Variants in MYO1D observed in about 807,000 individuals in gnomAD.
The protein encoded by MYO1D is myosin ID.
In MYO1D, 83 loss-of-function variants were observed where a neutral mutation model predicts 122.0. The observed-to-expected ratio is 0.68, with a 90% CI of 0.57 to 0.82. MYO1D has a LOEUF of 0.82. Among genes scored for constraint, MYO1D ranks in the 40% least tolerant of loss-of-function variants. The pLI is 0.00. For missense variants in MYO1D, 1,157 were observed against 1,269.5 expected, an observed-to-expected ratio of 0.91 and a Z score of 1.35; for synonymous variants, 464 against 446.9, an observed-to-expected ratio of 1.04 and a Z score of -0.48.
intron 20 of MYO1D, among the ~76,000 whole-genome samples, chr17:32,622,570 C>A (rs547600770): frequency 2.2e-4 from 33 of 152,180 alleles, no homozygotes; most frequent in Non-Finnish European, 3.7e-4. Flanking sequence ...TCTGAACAAG[C>A]CTTTTAAAGT....
At chr17:32,872,821 C>G (rs899697562) in intron 1 of MYO1D, among the ~76,000 whole-genome samples, 6 of 151,748 alleles carry the variant, frequency 4.0e-5, no homozygotes, top group South Asian at 4.2e-4. Flanking sequence ...CTCAGCCTCC[C>G]GAGTAGCTGG....
chr17:32,870,571 T>C (rs1417878995), intron 1 of MYO1D, among the ~76,000 whole-genome samples: 2 of 143,122 alleles, frequency 1.4e-5, no homozygotes, highest in Admixed American at 7.3e-5. Context: ...TCTATTAAAG[T>C]ACAGTATTTT....
intron 1 of MYO1D, among the ~76,000 whole-genome samples, chr17:32,846,974 G>A (rs576104008): frequency 2.7e-4 from 41 of 152,216 alleles, no homozygotes; most frequent in African/African-American, 9.4e-4. Context: ...GGAACAGAAC[G>A]AGACCCTGTT....
chr17:32,778,996 G>A (rs2090208449), intron 2 of MYO1D, among the ~76,000 whole-genome samples: 1 of 151,996 alleles, frequency 6.6e-6, no homozygotes, highest in Admixed American at 6.6e-5. Flanking sequence ...TCTTAAAGGG[G>A]ACAAAATAAT....
intron 21 of MYO1D, among the ~76,000 whole-genome samples, chr17:32,587,885 C>T (rs776212548): frequency 9.9e-5 from 15 of 152,200 alleles, no homozygotes; most frequent in Non-Finnish European, 1.2e-4. Context: ...AACAAACGGA[C>T]CATTCCTTAA....
intron 20 of MYO1D, among the ~76,000 whole-genome samples, chr17:32,622,095 T>G (rs1389499995): frequency 2.6e-5 from 4 of 152,158 alleles, no homozygotes; most frequent in Non-Finnish European, 5.9e-5. Flanking sequence ...TATTGGGCCT[T>G]GCCTCAAATG....
chr17:32,582,943 A>T (rs1158090158), intron 21 of MYO1D, among the ~76,000 whole-genome samples: 1 of 152,202 alleles, frequency 6.6e-6, no homozygotes, highest in East Asian at 1.9e-4. Flanking sequence ...ACAAGGAAAA[A>T]ATCTTAAAAA....
intron 1 of MYO1D, among the ~76,000 whole-genome samples, chr17:32,844,333 T>C (rs1327546292): frequency 1.4e-5 from 2 of 146,348 alleles, no homozygotes; most frequent in Non-Finnish European, 3.0e-5. Context: ...ATATAATATG[T>C]ATATGTATAT....
intron 1 of MYO1D, among the ~76,000 whole-genome samples, chr17:32,872,682 C>A (rs1005334165): frequency 6.6e-6 from 1 of 151,190 alleles, no homozygotes; most frequent in Non-Finnish European, 1.5e-5. Flanking sequence ...AGACACACAT[C>A]TAGGTCAATT....
chr17:32,625,792 A>C (rs1567916360), intron 20 of MYO1D, among the ~76,000 whole-genome samples: 5 of 152,130 alleles, frequency 3.3e-5, no homozygotes, highest in Admixed American at 2.0e-4. Context: ...CAGCTTCCCA[A>C]AGTGTTGGGA....
intron 17 of MYO1D, among the ~76,000 whole-genome samples, chr17:32,656,332 G>A (rs2088476244): frequency 6.6e-6 from 1 of 152,176 alleles, no homozygotes; most frequent in South Asian, 2.1e-4. Flanking sequence ...TGTCAATAAA[G>A]TAGAAAGTGT....
At chr17:32,822,819 C>CG (rs909092275) in intron 1 of MYO1D, among the ~76,000 whole-genome samples, 1 of 151,536 alleles carries the variant, frequency 6.6e-6, no homozygotes, top group African/African-American at 2.4e-5. Context: ...GTCGGGCCTC[C>CG]GGGGTCGACC....
intron 1 of MYO1D, among the ~76,000 whole-genome samples, chr17:32,821,529 G>A (rs1368606681): frequency 5.1e-5 from 7 of 137,898 alleles, no homozygotes; most frequent in East Asian, 2.0e-4. Flanking sequence ...CTGAAGATAA[G>A]TAAATCACAC....
At chr17:32,623,853 G>A (rs192731581) in intron 20 of MYO1D, among the ~76,000 whole-genome samples, 5 of 152,274 alleles carry the variant, frequency 3.3e-5, no homozygotes, top group Non-Finnish European at 7.4e-5. Context: ...AAAGGGCGAG[G>A]GTCTCTCTGG....
At chr17:32,751,323 CA>C (rs1278796766) in intron 11 of MYO1D, among the ~76,000 whole-genome samples, 5 of 152,014 alleles carry the variant, frequency 3.3e-5, no homozygotes, top group African/African-American at 1.2e-4. Context: ...CACAGAATAG[CA>C]TGTGTAATAA....
chr17:32,530,668 G>A (rs1910482931), intron 21 of MYO1D, among the ~76,000 whole-genome samples: 1 of 152,186 alleles, frequency 6.6e-6, no homozygotes, highest in Non-Finnish European at 1.5e-5. Flanking sequence ...AGGTGTGGTG[G>A]TGCATGCCTG....
rs187832378 is a variant in MYO1D at position 32,758,175 on chromosome 17, T to C, written c.1296+2115A>G. Among the ~76,000 whole-genome samples the C allele has an allele frequency of 2.0e-3, 309 of 152,186 alleles. 3 individuals are homozygous for C. Among genetic ancestry groups the C allele is most frequent in the African/African-American group, 7.2e-3 (301 of 41,550 alleles). On this transcript the variant is annotated intron_variant, in intron 10 of 21. Coordinates refer to ENST00000318217, the MANE Select transcript of MYO1D (RefSeq NM_015194.3). ...ATTAAATGGCACCTGAGGAATGCAA[T>C]TAGCAAAATCCAGACTGTGGGGAAC...
intron 19 of MYO1D, among the ~76,000 whole-genome samples, chr17:32,644,655 T>G (rs2088259337): frequency 6.6e-6 from 1 of 152,228 alleles, no homozygotes. Flanking sequence ...ATTGATCCCT[T>G]TACCATTATG....
chr17:32,849,752 ATGT>A (rs2090969781), intron 1 of MYO1D, among the ~76,000 whole-genome samples: 1 of 152,144 alleles, frequency 6.6e-6, no homozygotes, highest in African/African-American at 2.4e-5. Flanking sequence ...AGCATGGCAC[ATGT>A]ATACATATGT....
Sources: allele counts gnomAD v4.1 joint callset (sites outside exome capture counted in the v4.1 genomes callset), GRCh38; gene constraint gnomAD v4.1.1; transcripts MANE v1.5; gene names NCBI Gene and HGNC (gene_info 2026-07-23, HGNC 2026-07-21).